The following ESRRB variants were observed in gnomAD, a reference collection of about 807,000 sequenced individuals.
The protein encoded by ESRRB is estrogen related receptor beta, also known as steroid hormone receptor ERR2.
In ESRRB, 16 loss-of-function variants were observed where a neutral mutation model predicts 46.0. The ratio of observed to expected loss-of-function variants is 0.35; its 90% CI spans 0.24 to 0.53. The LOEUF (loss-of-function observed/expected upper bound fraction) is 0.53, where lower values mean the gene tolerates loss of function less well. Among genes scored for constraint, ESRRB ranks in the 20% least tolerant of loss-of-function variants. ESRRB has a pLI of 0.93. For missense variants in ESRRB, 488 were observed against 607.4 expected (o/e 0.80, Z 2.07); for synonymous variants, 246 against 259.6 (o/e 0.95, Z 0.50).
chr14:76,463,594 C>T (rs191456993), intron 3 of ESRRB, among the ~76,000 whole-genome samples: 27 of 151,682 alleles, frequency 1.8e-4, no homozygotes, highest in Admixed American at 7.9e-4. Context: ...CTACAGGCGC[C>T]CGCCACCTCG....
At chr14:76,388,214 T>C (rs899358494) in intron 1 of ESRRB, among the ~76,000 whole-genome samples, 1 of 147,520 alleles carries the variant, frequency 6.8e-6, no homozygotes, top group Non-Finnish European at 1.5e-5. Context: ...AGTCTCACTC[T>C]GTGGCCCAGG....
At chr14:76,315,161 A>G in intron 1 of ESRRB, among the ~76,000 whole-genome samples, 1 of 152,042 alleles carries the variant, frequency 6.6e-6, no homozygotes, top group East Asian at 1.9e-4. Context: ...TTTCAAGTCA[A>G]GGTGGCATCT....
At chr14:76,493,163 AT>A (rs148136238) in intron 6 of ESRRB, among the ~76,000 whole-genome samples, 50 of 150,886 alleles carry the variant, frequency 3.3e-4, no homozygotes, top group African/African-American at 1.2e-3. Flanking sequence ...ATTTTATTTT[AT>A]TTTTTTTTGA....
intron 6 of ESRRB, chr14:76,495,634 G>A (rs1405861471): frequency 6.8e-6 from 1 of 147,120 alleles, no homozygotes; most frequent in Non-Finnish European, 1.5e-5. Context: ...ATAAAATAAA[G>A]TAATGATTTA....
At position 76,495,683 on chromosome 14, in the gene ESRRB, T is replaced by C. The variant is rs151141552; in HGVS notation, c.1121-2531T>C. The C allele has an allele frequency of 3.5e-3, 539 of 152,180 alleles. 3 individuals are homozygous for C. Among genetic ancestry groups the C allele is most frequent in the African/African-American group, 0.013 (526 of 41,508 alleles). The allele number at this position is 152,180 out of a possible 1,614,324, so 9.4% of individuals were successfully genotyped here. A position where few individuals can be genotyped will look rare whatever the true frequency, so the allele number is the denominator to read the frequency against. The stretch of plus-strand genomic sequence containing the variant: ...CAAAGTACCTGTGATGAAGGACCCA[T>C]TTTTAAATGTTTCAAAATGTTCAAT... On this transcript the variant is annotated intron_variant, in intron 6 of 6. Coordinates refer to ENST00000644823, the MANE Select transcript of ESRRB (RefSeq NM_001379180.1).
intron 1 of ESRRB, among the ~76,000 whole-genome samples, chr14:76,424,807 G>A (rs552138769): frequency 8.5e-5 from 13 of 152,222 alleles, no homozygotes; most frequent in African/African-American, 2.6e-4. Context: ...CACAATCTTG[G>A]CTCACTGCAA....
chr14:76,473,255 T>C (rs150580821), intron 3 of ESRRB, among the ~76,000 whole-genome samples: 46 of 152,352 alleles, frequency 3.0e-4, no homozygotes, highest in African/African-American at 1.1e-3. Flanking sequence ...TTAAATGAGA[T>C]ACGGGTATGA....
Position 76,439,568 on chromosome 14 carries a change from G to A in ESRRB, c.278G>A (p.Cys93Tyr), listed in dbSNP as rs559643813. Residue 93 changes from cysteine to tyrosine, a missense_variant, in exon 2 of 7, where the codon TGC becomes TAC. By Grantham distance (194) the Cys-to-Tyr change is radical. Transcript: ENST00000644823. ...GGCGCCGGGCTGGGAGGCACCCCATGCCGCAAGAGCTACGAGGACTGTGCC... is the reference window on the plus strand; with the variant it reads ...GGCGCCGGGCTGGGAGGCACCCCATACCGCAAGAGCTACGAGGACTGTGCC... Reference protein sequence around the residue: ...FAGAGLGGTPCRKSYEDCASG... With the variant: ...FAGAGLGGTPYRKSYEDCASG... 23 of 1,614,120 alleles carry A rather than the reference G, an allele frequency of 1.4e-5. No homozygotes were observed. In the Admixed American group the frequency reaches 3.2e-4, roughly 22 times the overall value.
At chr14:76,398,186 A>G (rs1247323278) in intron 1 of ESRRB, among the ~76,000 whole-genome samples, 1 of 152,234 alleles carries the variant, frequency 6.6e-6, no homozygotes, top group African/African-American at 2.4e-5. Flanking sequence ...TTACCCAGTT[A>G]GTACTTTTGA....
upstream of ESRRB, among the ~76,000 whole-genome samples, chr14:76,374,551 G>A (rs533953594): frequency 2.6e-5 from 4 of 152,078 alleles, no homozygotes; most frequent in Non-Finnish European, 4.4e-5. Flanking sequence ...TTTACAAATC[G>A]CTCCCTGGCT....
intron 1 of ESRRB, among the ~76,000 whole-genome samples, chr14:76,337,533 G>A (rs960492007): frequency 1.3e-5 from 2 of 152,134 alleles, no homozygotes; most frequent in Admixed American, 6.5e-5. Flanking sequence ...TCTAGAAAAT[G>A]AGCAATGGGT....
At chr14:76,413,211 T>C (rs1886515673) in intron 1 of ESRRB, among the ~76,000 whole-genome samples, 1 of 152,160 alleles carries the variant, frequency 6.6e-6, no homozygotes, top group Non-Finnish European at 1.5e-5. Flanking sequence ...GTTGGTGTGA[T>C]GAGCCTGCCC....
At chr14:76,464,436 C>T (rs901187810) in intron 3 of ESRRB, among the ~76,000 whole-genome samples, 1 of 152,206 alleles carries the variant, frequency 6.6e-6, no homozygotes, top group Non-Finnish European at 1.5e-5. Flanking sequence ...TTTCCAGGTC[C>T]CCCACTTCAC....
chr14:76,464,836 A>T (rs1317350742), intron 3 of ESRRB, among the ~76,000 whole-genome samples: 1 of 152,098 alleles, frequency 6.6e-6, no homozygotes, highest in East Asian at 1.9e-4. Context: ...ACAGATGGGA[A>T]AATTGAGGCA....
At chr14:76,458,564 C>T (rs934809891) in intron 2 of ESRRB, among the ~76,000 whole-genome samples, 2 of 152,158 alleles carry the variant, frequency 1.3e-5, no homozygotes, top group Admixed American at 1.3e-4. Context: ...CCTGGGAGAG[C>T]ACCAGTTCCA....
In ESRRB at chr14:76,491,437, C is replaced by G; in HGVS notation, c.851-10C>G. ...CCTGCTGCTGCCCTCTGTGCCCCCT[C>G]TTCCTGCAGGCTTCTCAAGCCTCTC... On this transcript the variant is annotated splice_polypyrimidine_tract_variant and intron_variant, in intron 5 of 6. Transcript: ENST00000644823. 6.2e-7 allele frequency: 1 copy of G among 1,607,830 alleles called. No homozygotes were observed.
At chr14:76,349,002 C>A (rs187661534) in intron 1 of ESRRB, among the ~76,000 whole-genome samples, 4 of 152,188 alleles carry the variant, frequency 2.6e-5, no homozygotes, top group African/African-American at 9.7e-5. Flanking sequence ...TCCAAGCAGG[C>A]CCCCCTTCCC....
Position 76,404,195 on chromosome 14 carries a change from C to T in ESRRB, c.50+27744C>T, listed in dbSNP as rs536785824. On this transcript the variant is annotated intron_variant, in intron 1 of 6. Transcript: ENST00000644823. Reference sequence around the variant, plus strand: ...TCATGTGTATGTGTGTGTGTGTGCGCGCGTGCGTGTGTCTTCAGCAACCAG... The same window carrying T: ...TCATGTGTATGTGTGTGTGTGTGCGTGCGTGCGTGTGTCTTCAGCAACCAG... Among the ~76,000 whole-genome samples, 29 of 152,012 alleles carry T rather than the reference C, an allele frequency of 1.9e-4. No individual in the cohort carries two copies. The South Asian group carries it at 3.3e-3, about 17-fold the overall frequency.
intron 6 of ESRRB, 72 bp from the exon 7 acceptor site, chr14:76,498,142 A>C (rs1233579932): frequency 6.3e-7 from 1 of 1,591,318 alleles, no homozygotes; most frequent in African/African-American, 1.3e-5. Context: ...TGCCTCCTGG[A>C]CCCCAAGATG....
Sources: gnomAD v4.1 joint callset for allele counts (sites outside exome capture counted in the v4.1 genomes callset) on GRCh38, gnomAD v4.1.1 for gene constraint, MANE v1.5 for transcripts, NCBI Gene and HGNC (gene_info 2026-07-23, HGNC 2026-07-21) for gene names.